The following MAGI1 variants were observed in gnomAD, a reference collection of about 807,000 sequenced individuals.
MAGI1 encodes the protein membrane associated guanylate kinase, WW and PDZ domain containing 1.
In MAGI1, 58 loss-of-function variants were observed where a neutral mutation model predicts 139.9. That is an observed-to-expected ratio of 0.41 (90% confidence interval 0.34 to 0.52). MAGI1 has a LOEUF of 0.52. Ranked by LOEUF, MAGI1 falls within the 20% of genes least tolerant of loss-of-function variation. MAGI1 has a pLI of 0.12. For missense variants in MAGI1, 1,874 were observed against 1,901.6 expected (o/e 0.99, Z 0.27); for synonymous variants, 812 against 737.9 (o/e 1.10, Z -1.63).
In MAGI1 at chr3:65,399,582, A is replaced by C. The variant is rs577316924; in HGVS notation, c.2199+1857T>G. Among the ~76,000 whole-genome samples the C allele has an allele frequency of 5.3e-5, 8 of 152,028 alleles. No individual in the cohort carries two copies. The East Asian group carries it at 1.6e-3, about 29-fold the overall frequency. On this transcript the variant is annotated intron_variant, in intron 13 of 22. Transcript: ENST00000402939. ...TTATTTTCTAACCCAGCAACACATC[A>C]CTCTCTTAGCTTGTGGTAATTAAGA...
Position 65,379,445 on chromosome 3 carries a change from C to T in MAGI1, c.2811G>A (p.Ser937=), listed in dbSNP as rs553795607. Residue 937 remains serine (S), a synonymous_variant, in exon 17 of 23, where the codon TCG becomes TCA. Transcript: ENST00000402939. ...CGCTGCCCGAGCTCACCGTGTTCAGCGAGTTCTGGCTGCCCTGCGGAGTGC... is the reference window on the plus strand; with the variant it reads ...CGCTGCCCGAGCTCACCGTGTTCAGTGAGTTCTGGCTGCCCTGCGGAGTGC... ...EKRTPQGSQN[S]LNTVSSGSGS... is the part of the protein sequence containing the mutation. 3.7e-6 allele frequency: 6 copies of T among 1,613,962 alleles called. No homozygotes were observed. Among genetic ancestry groups the T allele is most frequent in the Admixed American group, 3.3e-5 (2 of 60,024 alleles).
intron 1 of MAGI1, among the ~76,000 whole-genome samples, chr3:65,836,504 A>G (rs577137326): frequency 1.2e-4 from 18 of 152,290 alleles, no homozygotes; most frequent in African/African-American, 4.3e-4. Flanking sequence ...CGAGACCAAT[A>G]GGAAAGATGA....
chr3:65,689,191 T>C (rs2088345455), intron 1 of MAGI1, among the ~76,000 whole-genome samples: 1 of 152,328 alleles, frequency 6.6e-6, no homozygotes, highest in East Asian at 1.9e-4. Flanking sequence ...CCTTGAACAA[T>C]CTTTTTACTT....
chr3:65,894,404 T>G (rs2060887734), intron 1 of MAGI1, among the ~76,000 whole-genome samples: 1 of 152,194 alleles, frequency 6.6e-6, no homozygotes, highest in African/African-American at 2.4e-5. Flanking sequence ...TGGTGAAAGC[T>G]AGGACACATC....
intron 2 of MAGI1, among the ~76,000 whole-genome samples, chr3:65,587,863 G>T (rs931994857): frequency 6.6e-6 from 1 of 151,992 alleles, no homozygotes; most frequent in African/African-American, 2.4e-5. Flanking sequence ...TCCCTTCTTC[G>T]CATTACAACA....
At chr3:65,679,271 C>T (rs944640928) in intron 1 of MAGI1, among the ~76,000 whole-genome samples, 1 of 152,182 alleles carries the variant, frequency 6.6e-6, no homozygotes, top group Non-Finnish European at 1.5e-5. Flanking sequence ...TAAAATCCAG[C>T]ACTCAGCGAC....
At chr3:65,988,390 T>C (rs1419228787) in intron 1 of MAGI1, among the ~76,000 whole-genome samples, 3 of 152,164 alleles carry the variant, frequency 2.0e-5, no homozygotes, top group Non-Finnish European at 4.4e-5. Flanking sequence ...CTAAGTACAG[T>C]GGCAGATTGG....
intron 1 of MAGI1, among the ~76,000 whole-genome samples, chr3:65,756,304 A>G (rs2036560795): frequency 6.6e-6 from 1 of 152,210 alleles, no homozygotes. Flanking sequence ...AATAAGTTAA[A>G]TGGTGGTGCA....
chr3:65,634,781 T>C (rs1350888554), intron 1 of MAGI1, among the ~76,000 whole-genome samples: 1 of 152,218 alleles, frequency 6.6e-6, no homozygotes, highest in African/African-American at 2.4e-5. Context: ...GAATGTTGAC[T>C]ATGAACTCAA....
intron 1 of MAGI1, among the ~76,000 whole-genome samples, chr3:65,881,114 G>A (rs553138292): frequency 2.4e-4 from 37 of 152,078 alleles, no homozygotes; most frequent in African/African-American, 8.2e-4. Context: ...TTGAACTCCT[G>A]AGCTCAAGCG....
intron 1 of MAGI1, among the ~76,000 whole-genome samples, chr3:65,839,952 A>G (rs181644440): frequency 1.9e-4 from 29 of 152,292 alleles, no homozygotes; most frequent in Non-Finnish European, 3.1e-4. Flanking sequence ...TTAGCACTTT[A>G]TAGTTGTCAC....
At chr3:65,679,041 C>G (rs1039305409) in intron 1 of MAGI1, among the ~76,000 whole-genome samples, 1 of 152,238 alleles carries the variant, frequency 6.6e-6, no homozygotes, top group Non-Finnish European at 1.5e-5. Flanking sequence ...CCTCCTCAAT[C>G]ATGTTGTTTA....
intron 1 of MAGI1, among the ~76,000 whole-genome samples, chr3:65,769,689 A>T (rs1367176761): frequency 6.6e-6 from 1 of 152,128 alleles, no homozygotes; most frequent in Non-Finnish European, 1.5e-5. Context: ...TGATGATAAG[A>T]TGTAGATGTT....
chr3:65,888,886 C>A (rs568340793), intron 1 of MAGI1, among the ~76,000 whole-genome samples: 57 of 151,188 alleles, frequency 3.8e-4, no homozygotes, highest in African/African-American at 1.1e-3. Flanking sequence ...ATTATCTGTG[C>A]GCTAAAAAAA....
intron 1 of MAGI1, among the ~76,000 whole-genome samples, chr3:65,863,941 T>G (rs2059635995): frequency 6.6e-6 from 1 of 152,292 alleles, no homozygotes; most frequent in South Asian, 2.1e-4. Context: ...TAACTTTCCC[T>G]CAGAGCTCCT....
rs2059135879 is a variant in MAGI1, at chr3:65,849,542, C to T, written c.313+188454G>A. ...ATATACATATATATCATCAAATATA[C>T]ATATATACACATATATATATCTCAC... On this transcript the variant is annotated intron_variant, in intron 1 of 22. Transcript: ENST00000402939. Among the ~76,000 whole-genome samples the T allele has an allele frequency of 2.0e-5, 3 of 149,476 alleles. No homozygotes were observed. In the Admixed American group the frequency reaches 2.0e-4, roughly 10 times the overall value.
intron 1 of MAGI1, among the ~76,000 whole-genome samples, chr3:65,955,992 C>T (rs2064109502): frequency 1.3e-5 from 2 of 152,088 alleles, no homozygotes; most frequent in Admixed American, 1.3e-4. Flanking sequence ...AAATCCAGGG[C>T]AGCCCTGGGC....
intron 1 of MAGI1, among the ~76,000 whole-genome samples, chr3:65,836,594 G>T (rs1447867595): frequency 6.6e-6 from 1 of 152,138 alleles, no homozygotes; most frequent in African/African-American, 2.4e-5. Flanking sequence ...GCTGAGGCGG[G>T]TGGATCACGA....
intron 14 of MAGI1, 46 bp downstream of exon 14, chr3:65,391,096 C>T: frequency 6.6e-7 from 1 of 1,507,746 alleles, no homozygotes; most frequent in Non-Finnish European, 9.2e-7. Context: ...AAAGGTAGAG[C>T]CCTGCGGAGG....
Sources: allele counts gnomAD v4.1 joint callset (sites outside exome capture counted in the v4.1 genomes callset), GRCh38; gene constraint gnomAD v4.1.1; transcripts MANE v1.5; gene names NCBI Gene and HGNC (gene_info 2026-07-23, HGNC 2026-07-21).